The following CAPN2 variants were observed in gnomAD, a reference collection of about 807,000 sequenced individuals.
The protein encoded by CAPN2 is calpain-2 catalytic subunit.
A neutral mutation model predicts 102.3 loss-of-function variants in CAPN2; 92 were observed. The ratio of observed to expected loss-of-function variants is 0.90; its 90% confidence interval spans 0.76 to 1.07. The LOEUF is 1.07. CAPN2 is among the 50% of genes least tolerant of loss of function. CAPN2 has a pLI of 0.00. For synonymous variants in CAPN2, 340 were observed against 355.4 expected (o/e 0.96, Z 0.49); for missense variants, 800 against 909.4 (o/e 0.88, Z 1.55).
chr1:223,775,063 T>C lies in CAPN2; in HGVS notation c.*206T>C, dbSNP rs1440549010. ...GTAAAAGATTTGCATATCATTATAC[T>C]AAATGCAAATGAGTCGCTTAACCCT... On this transcript the variant is annotated 3_prime_UTR_variant, in exon 21 of 21. Transcript: ENST00000295006. 4 of 583,410 alleles carry C rather than the reference T, an allele frequency of 6.9e-6. No homozygotes were observed. The African/African-American group carries it at 7.5e-5, about 11-fold the overall frequency. The allele number at this position is 583,410 out of a possible 1,614,324, so 36.1% of individuals were successfully genotyped here. A position where few individuals can be genotyped will look rare whatever the true frequency, so the allele number is the denominator to read the frequency against.
chr1:223,729,046 C>T (rs1051998446), intron 2 of CAPN2, among the ~76,000 whole-genome samples: 1 of 152,224 alleles, frequency 6.6e-6, no homozygotes, highest in Non-Finnish European at 1.5e-5. Flanking sequence ...TAACTCATCA[C>T]CAAGCCGCCA....
intron 1 of CAPN2, among the ~76,000 whole-genome samples, chr1:223,715,622 G>C (rs1158816480): frequency 6.6e-6 from 1 of 152,088 alleles, no homozygotes; most frequent in East Asian, 1.9e-4. Context: ...AGTCCAGTGG[G>C]GTCCAAGGGC....
chr1:223,722,834 C>G (rs913068532), intron 2 of CAPN2, among the ~76,000 whole-genome samples: 2 of 152,126 alleles, frequency 1.3e-5, no homozygotes, highest in African/African-American at 4.8e-5. Context: ...TGCAGATTCT[C>G]TTAGTTTTCC....
Position 223,775,142 on chromosome 1 carries a change from T to C in CAPN2, c.*285T>C, listed in dbSNP as rs1403782955. ...GTAAATAGTATACACTTTTTACTTT[T>C]ACACACTTTCCTGTTCATAGCAATA... is the stretch of plus-strand genomic sequence containing the variant. On this transcript the variant is annotated 3_prime_UTR_variant, in exon 21 of 21. Transcript: ENST00000295006. The C allele has an allele frequency of 2.5e-6, 1 of 396,112 alleles. No homozygotes were observed. The highest frequency in any genetic ancestry group is 4.3e-5 in the East Asian group (1 of 23,270). 24.5% of individuals were successfully genotyped at this position (396,112 alleles called of 1,614,324 possible). A position where few individuals can be genotyped will look rare whatever the true frequency, so the allele number is the denominator to read the frequency against.
At chr1:223,772,537 ACTC>A (rs932197569) in intron 20 of CAPN2, 23 of 368,390 alleles carry the variant, frequency 6.2e-5, no homozygotes, top group African/African-American at 4.5e-4. Context: ...AGAAAAATGA[ACTC>A]CTGATTAGCA....
chr1:223,766,778 G>A (rs897572614), intron 16 of CAPN2, among the ~76,000 whole-genome samples: 1 of 152,124 alleles, frequency 6.6e-6, no homozygotes, highest in Non-Finnish European at 1.5e-5. Context: ...TGACCAACAT[G>A]GTGAAACCTT....
In CAPN2 at chr1:223,712,793, C is replaced by T. The variant is rs780481365; in HGVS notation, c.153C>T (p.Phe51=). 174 of 1,581,440 alleles carry T rather than the reference C, an allele frequency of 1.1e-4. No homozygotes were observed. Among genetic ancestry groups the T allele is most frequent in the Non-Finnish European group, 1.4e-4 (169 of 1,166,494 alleles). ...EAGTLFQDPS[F]PAIPSALGFK... Reference sequence around the variant, plus strand: ...GGACGCTCTTCCAGGACCCGTCCTTCCCGGCCATCCCCTCGGCCCTGGGCT... The same window carrying T: ...GGACGCTCTTCCAGGACCCGTCCTTTCCGGCCATCCCCTCGGCCCTGGGCT... Residue 51 remains phenylalanine (F), a synonymous_variant, in exon 1 of 21, where the codon TTC becomes TTT. Coordinates refer to ENST00000295006, the MANE Select transcript of CAPN2 (RefSeq NM_001748.5).
chr1:223,709,486 C>T (rs775761741), upstream of CAPN2, among the ~76,000 whole-genome samples: 1 of 151,986 alleles, frequency 6.6e-6, no homozygotes, highest in Non-Finnish European at 1.5e-5. Flanking sequence ...CGTGGAGAAA[C>T]CCTGTCCCTA....
At chr1:223,757,286 G>A in intron 10 of CAPN2, 83 bp from the exon 11 acceptor site, 1 of 1,447,978 alleles carries the variant, frequency 6.9e-7, no homozygotes, top group Non-Finnish European at 9.7e-7. Context: ...GAGAAAACGG[G>A]GGCAGCGGAA....
intron 17 of CAPN2, 49 bp from the exon 18 acceptor site, chr1:223,770,398 C>A: frequency 7.3e-7 from 1 of 1,365,994 alleles, no homozygotes; most frequent in Non-Finnish European, 1.0e-6. Context: ...AGGTAACTTG[C>A]CAGCTTTGCT....
Position 223,759,958 on chromosome 1 carries a change from C to G in CAPN2, c.1529+477C>G, listed in dbSNP as rs1042352868. Among the ~76,000 whole-genome samples the G allele has an allele frequency of 1.3e-5, 2 of 152,154 alleles. No homozygotes were observed. ...ATAGTTGTCATGTCACCAGCTCTCT[C>G]TCCCCTTCCTCATGGGATCCCACGT... On this transcript the variant is annotated intron_variant, in intron 12 of 20. Transcript: ENST00000295006. The surrounding 1 kb of genome is among the most constrained non-coding windows in gnomAD (Gnocchi z 4.6).
At chr1:223,762,603 G>A (rs1661216863) in intron 14 of CAPN2, among the ~76,000 whole-genome samples, 1 of 152,232 alleles carries the variant, frequency 6.6e-6, no homozygotes, top group African/African-American at 2.4e-5. Context: ...TTGGAGAGAT[G>A]GAAGGGTTTC....
At chr1:223,719,965 G>A (rs994171089) in intron 2 of CAPN2, among the ~76,000 whole-genome samples, 8 of 152,180 alleles carry the variant, frequency 5.3e-5, no homozygotes, top group African/African-American at 1.7e-4. Flanking sequence ...CCTGGCCAGC[G>A]GGTGCTGATG....
At chr1:223,712,295 C>T (rs1659748625), upstream of CAPN2, 2 of 238,928 alleles carry the variant, frequency 8.4e-6, no homozygotes, top group Non-Finnish European at 1.4e-5. Context: ...GCCTCGGGTT[C>T]CGGTGGGAGC....
intron 2 of CAPN2, among the ~76,000 whole-genome samples, chr1:223,739,859 G>A (rs1660569329): frequency 6.6e-6 from 1 of 152,180 alleles, no homozygotes; most frequent in South Asian, 2.1e-4. Context: ...AAAGTTATTT[G>A]TAGCATCTGA....
chr1:223,745,244 G>A lies in CAPN2; in HGVS notation c.427-62G>A, dbSNP rs371542404. The A allele has an allele frequency of 9.9e-6, 16 of 1,608,074 alleles. 1 individual carries two copies. The highest frequency in any genetic ancestry group is 5.0e-5 in the Admixed American group (3 of 59,748). ...AGGGCAAGGGGAGCCAGAGGCAGCT[G>A]AGGCTCAGAGTCCCAGTGCTGCCAC... On this transcript the variant is annotated intron_variant, in intron 3 of 20. Transcript: ENST00000295006.
chr1:223,703,412 G>A (rs1012339055), intron 1 of CAPN2, among the ~76,000 whole-genome samples: 5 of 151,684 alleles, frequency 3.3e-5, no homozygotes, highest in Admixed American at 1.3e-4. Context: ...CCATTGTGCC[G>A]TGCCTGGCCA....
chr1:223,741,508 G>A (rs1386299420), intron 2 of CAPN2, among the ~76,000 whole-genome samples: 2 of 149,276 alleles, frequency 1.3e-5, no homozygotes, highest in African/African-American at 5.0e-5. Flanking sequence ...AGGCTGGAAT[G>A]CAATGGCACA....
chr1:223,759,690 A>G lies in CAPN2; in HGVS notation c.1529+209A>G, dbSNP rs896364198. ...TAAACAATGGAAAAAGCCACTGTGG[A>G]TATTTTTGGTTGGAAAGGGGTGGCT... is the stretch of plus-strand genomic sequence containing the variant. On this transcript the variant is annotated intron_variant, in intron 12 of 20. Coordinates refer to ENST00000295006, the MANE Select transcript of CAPN2 (RefSeq NM_001748.5). This position sits in a 1 kb window ranked among gnomAD's most constrained non-coding sequence, Gnocchi z 4.6. Among the ~76,000 whole-genome samples the G allele has an allele frequency of 1.3e-5, 2 of 152,178 alleles. No individual in the cohort carries two copies. The highest frequency in any genetic ancestry group is 2.9e-5 in the Non-Finnish European group (2 of 68,028).
Sources: allele counts gnomAD v4.1 joint callset (sites outside exome capture counted in the v4.1 genomes callset), GRCh38; gene constraint gnomAD v4.1.1; non-coding constraint Gnocchi (gnomAD v3.1); transcripts MANE v1.5; gene names NCBI Gene and HGNC (gene_info 2026-07-23, HGNC 2026-07-21).